The following DOP1B variants were observed in gnomAD, a reference collection of about 807,000 sequenced individuals.
DOP1B encodes DOP1 leucine zipper like protein B, also known as protein DOP1B.
In DOP1B, 174 loss-of-function variants were observed where a neutral mutation model predicts 233.5. The ratio of observed to expected loss-of-function variants is 0.75; its 90% CI spans 0.66 to 0.85. The LOEUF (loss-of-function observed/expected upper bound fraction) is 0.85, where lower values mean the gene tolerates loss of function less well. DOP1B is among the 40% of genes least tolerant of loss of function. DOP1B has a pLI of 0.00. For missense variants in DOP1B, 2,652 were observed against 2,846.6 expected, an observed-to-expected ratio of 0.93 and a Z score of 1.56; for synonymous variants, 1,190 against 1,185.6, an observed-to-expected ratio of 1.00 and a Z score of -0.08.
chr21:36,289,130 A>G lies in DOP1B; in HGVS notation c.6439A>G (p.Ile2147Val). ...GGGGGAGATACCCCAGAGTGAACTC[A>G]TCTTGTATTTATCAGCTTGCAAATT... ...SVGEIPQSEL[I>V]LYLSACKFLD... The change falls in exon 35 of 37, where the codon ATC becomes GTC. Residue 2147 changes from isoleucine (I) to valine (V), a missense_variant. Physicochemically the swap from Ile to Val is conservative, Grantham distance 29 (BLOSUM62 3). Around this residue, in one of 3 missense-constraint regions of DOP1B, gnomAD observed 2,617 missense variants for 2,794.3 expected, o/e 0.94. Transcript: ENST00000691173. 1.2e-6 allele frequency: 2 copies of G among 1,614,114 alleles called. No individual in the cohort carries two copies. The highest frequency in any genetic ancestry group is 1.7e-6 in the Non-Finnish European group (2 of 1,179,982).
chr21:36,172,826 G>T (rs1297138761), intron 2 of DOP1B, among the ~76,000 whole-genome samples: 24 of 152,016 alleles, frequency 1.6e-4, no homozygotes. Context: ...GTGAGTAAGA[G>T]TTGAGAGTTG....
At chr21:36,286,639 A>AACACACAG (rs71326669) in intron 32 of DOP1B, among the ~76,000 whole-genome samples, 1 of 146,458 alleles carries the variant, frequency 6.8e-6, no homozygotes, top group African/African-American at 2.5e-5. Context: ...CCATCTCAAA[A>AACACACAG]ACACACACAC....
At chr21:36,196,210 T>C (rs900065471) in intron 2 of DOP1B, among the ~76,000 whole-genome samples, 7 of 152,254 alleles carry the variant, frequency 4.6e-5, no homozygotes, top group Admixed American at 4.6e-4. Context: ...GAGAAAACTC[T>C]GCCTTGACAA....
chr21:36,177,019 G>A (rs528241561), intron 2 of DOP1B, among the ~76,000 whole-genome samples: 9 of 151,934 alleles, frequency 5.9e-5, no homozygotes, highest in Middle Eastern at 3.2e-3. Context: ...ACAGGGTTTC[G>A]CCAGACTGGT....
chr21:36,245,249 C>T lies in DOP1B; in HGVS notation c.3269C>T (p.Pro1090Leu). 6.2e-7 allele frequency: 1 copy of T among 1,614,134 alleles called. No individual in the cohort carries two copies. The highest frequency in any genetic ancestry group is 8.5e-7 in the Non-Finnish European group (1 of 1,180,042). ...GGCGAGCTGAGCGAGGAAGAGCTGC[C>T]CTACTACGTGGAGCTTCCAGACAGG... ...LRGELSEEEL[P>L]YYVELPDRTA... The change falls in exon 19 of 37, where the codon CCC (proline) becomes CTC (leucine). Residue 1090 changes from proline (P) to leucine (L), a missense_variant. This residue lies in a region of DOP1B where 2,617 missense variants were observed against 2,794.3 expected (regional missense o/e 0.94). Transcript: ENST00000691173. The surrounding 1 kb of genome is among the most constrained non-coding windows in gnomAD (Gnocchi z 5.5).
At chr21:36,171,639 C>T (rs2065972541) in intron 2 of DOP1B, among the ~76,000 whole-genome samples, 1 of 152,210 alleles carries the variant, frequency 6.6e-6, no homozygotes, top group East Asian at 1.9e-4. Context: ...TGACAGCAAA[C>T]TCCTAGCAGC....
chr21:36,294,151 A>G lies in DOP1B; in HGVS notation c.*580A>G, dbSNP rs368046804. 2 of 153,422 alleles carry G rather than the reference A, an allele frequency of 1.3e-5. No homozygotes were observed. Among genetic ancestry groups the G allele is most frequent in the East Asian group, 3.9e-4 (2 of 5,192 alleles). 9.5% of individuals were successfully genotyped at this position (153,422 alleles called of 1,614,324 possible). On this transcript the variant is annotated 3_prime_UTR_variant, in exon 37 of 37. Transcript: ENST00000691173. ...TAGCACAAAATTTGTAATATGAAGT[A>G]AAGTATGAAGATAATGAAGAAGTTG...
intron 2 of DOP1B, among the ~76,000 whole-genome samples, 154 bp from the exon 3 acceptor site, chr21:36,198,916 C>T (rs997134315): frequency 1.3e-5 from 2 of 152,218 alleles, no homozygotes; most frequent in Non-Finnish European, 1.5e-5. Context: ...TGTGGACTCT[C>T]GCCATGCAGT....
intron 21 of DOP1B, 88 bp downstream of exon 21, chr21:36,248,656 A>G (rs2066997625): frequency 3.0e-6 from 4 of 1,319,448 alleles, no homozygotes; most frequent in African/African-American, 1.5e-5. Context: ...TGTGCATGAT[A>G]AACAGATGTG....
intron 1 of DOP1B, among the ~76,000 whole-genome samples, chr21:36,160,477 CT>C (rs5843748): frequency 0.051 from 6,317 of 122,714 alleles, 288 homozygotes; most frequent in African/African-American, 0.16. Context: ...TTTAAGTTTT[CT>C]TTTTTTTTTT....
chr21:36,170,945 G>A (rs2065966943), intron 2 of DOP1B, among the ~76,000 whole-genome samples: 1 of 152,232 alleles, frequency 6.6e-6, no homozygotes, highest in South Asian at 2.1e-4. Context: ...GAATTTGCAA[G>A]ATACGGTTGG....
At chr21:36,260,825 TA>T (rs2123636203) in intron 24 of DOP1B, 93 bp downstream of exon 24, 1 of 1,576,394 alleles carries the variant, frequency 6.3e-7, no homozygotes, top group South Asian at 1.2e-5. Context: ...ATTTCTAGAC[TA>T]CTAGAGAGCC....
chr21:36,289,145 G>T lies in DOP1B; in HGVS notation c.6454G>T (p.Ala2152Ser). ...PQSELILYLSACKFLDTALSF... is the reference protein window; with the variant it reads ...PQSELILYLSSCKFLDTALSF... ...GAGTGAACTCATCTTGTATTTATCA[G>T]CTTGCAAATTCTTGGACACAGCGCT... is the stretch of plus-strand genomic sequence containing the variant. The change falls in exon 35 of 37, where the codon GCT becomes TCT. Residue 2152 changes from alanine (A) to serine (S), a missense_variant. Ala to Ser is a moderately conservative substitution (Grantham distance 99). Coordinates refer to ENST00000691173, the MANE Select transcript of DOP1B (RefSeq NM_001320714.2). The T allele has an allele frequency of 6.2e-7, 1 of 1,614,102 alleles. No homozygotes were observed. The highest frequency in any genetic ancestry group is 8.5e-7 in the Non-Finnish European group (1 of 1,180,018).
At chr21:36,199,404 G>A (rs970117366) in intron 3 of DOP1B, among the ~76,000 whole-genome samples, 153 bp downstream of exon 3, 1 of 152,098 alleles carries the variant, frequency 6.6e-6, no homozygotes, top group African/African-American at 2.4e-5. Flanking sequence ...GTCACTGGGC[G>A]CCTTCTGGAG....
At chr21:36,241,159 TG>T (rs904031464) in intron 18 of DOP1B, among the ~76,000 whole-genome samples, 13 of 151,956 alleles carry the variant, frequency 8.6e-5, no homozygotes, top group Admixed American at 5.9e-4. Flanking sequence ...CCAGGCATGG[TG>T]GCAGGGGCCT....
intron 26 of DOP1B, among the ~76,000 whole-genome samples, chr21:36,266,701 T>G (rs538741434): frequency 1.3e-5 from 2 of 152,296 alleles, no homozygotes; most frequent in Admixed American, 6.5e-5. Flanking sequence ...GGTGATCAAT[T>G]TAACCTTTAG....
chr21:36,169,501 G>A, intron 2 of DOP1B: 1 of 1,118,762 alleles, frequency 8.9e-7, no homozygotes, highest in South Asian at 1.3e-5. Flanking sequence ...CCCCTTTGTA[G>A]CCTTTGCCCT....
intron 2 of DOP1B, among the ~76,000 whole-genome samples, chr21:36,172,485 G>A (rs1346609722): frequency 6.6e-6 from 1 of 152,170 alleles, no homozygotes; most frequent in Non-Finnish European, 1.5e-5. Context: ...TTCTTCACTG[G>A]GTGCAGTGAT....
chr21:36,218,106 A>C (rs138780067), intron 9 of DOP1B, among the ~76,000 whole-genome samples: 1 of 152,240 alleles, frequency 6.6e-6, no homozygotes, highest in South Asian at 2.1e-4. Context: ...CAGGACGGCC[A>C]TTCAGTCCAG....
Sources: gnomAD v4.1 joint callset for allele counts (sites outside exome capture counted in the v4.1 genomes callset) on GRCh38, gnomAD v4.1.1 for gene constraint, gnomAD v4.1.1 regional missense constraint, Gnocchi (gnomAD v3.1) non-coding constraint, MANE v1.5 for transcripts, NCBI Gene and HGNC (gene_info 2026-07-23, HGNC 2026-07-21) for gene names.